Variants in MAN2C1 observed in about 807,000 individuals in gnomAD.
MAN2C1 encodes the protein alpha-mannosidase 2C1.
MAN2C1 carries 111 observed loss-of-function variants against 126.9 expected under a neutral mutation model. The ratio of observed to expected loss-of-function variants is 0.87; its 90% CI spans 0.75 to 1.02. The LOEUF (loss-of-function observed/expected upper bound fraction) is 1.02, where lower values mean the gene tolerates loss of function less well. MAN2C1 is among the 50% of genes least tolerant of loss of function. The pLI, the probability that MAN2C1 is intolerant of heterozygous loss-of-function variation, is 0.00. For missense variants in MAN2C1, 1,363 were observed against 1,364.4 expected (o/e 1.00, Z 0.02); for synonymous variants, 567 against 561.5 (o/e 1.01, Z -0.14).
At chr15:75,357,447 A>G (rs1179690350) in intron 21 of MAN2C1, 2 of 156,152 alleles carry the variant, frequency 1.3e-5, no homozygotes, top group African/African-American at 4.8e-5. Flanking sequence ...CTGGGATAAC[A>G]GGACATGTGC....
At chr15:75,359,458 TCCTGA>T (rs1567276082) in intron 16 of MAN2C1, 33 bp from the exon 17 acceptor site, 14 of 1,597,086 alleles carry the variant, frequency 8.8e-6, no homozygotes, top group Non-Finnish European at 1.1e-5. Context: ...AGTGCAGCCT[TCCTGA>T]CCTTTCAGGA....
In MAN2C1 at chr15:75,361,951, G is replaced by C; in HGVS notation, c.1009-4C>G. 6.2e-7 allele frequency: 1 copy of C among 1,612,506 alleles called. No homozygotes were observed. On this transcript the variant is annotated splice_region_variant and splice_polypyrimidine_tract_variant and intron_variant, in intron 8 of 25. Transcript: ENST00000267978. This position sits in a 1 kb window ranked among gnomAD's most constrained non-coding sequence, Gnocchi z 5.0. The stretch of plus-strand genomic sequence containing the variant: ...CTCCACTGGGCAGGTTCCCATCCTG[G>C]CAGTGAAGGAAGTGGGAGGCAGCCC...
At chr15:75,366,431 G>T in intron 4 of MAN2C1, 91 bp downstream of exon 4, 1 of 1,029,280 alleles carries the variant, frequency 9.7e-7, no homozygotes, top group Non-Finnish European at 1.5e-6. Flanking sequence ...AGCAGAGGCG[G>T]GCTTATGAGA....
chr15:75,364,579 ATCT>A lies in MAN2C1; in HGVS notation c.506_508del (p.Lys169del). 5 of 1,613,352 alleles carry A rather than the reference ATCT, an allele frequency of 3.1e-6. No individual in the cohort carries two copies. The South Asian group carries it at 3.3e-5, about 11-fold the overall frequency. Reference sequence around the variant, plus strand: ...TAGCTCAGCCCGGCTCAGCTGGAACATCTTCTCAGGGTCAGGGGCTGCAATCAT... The same window carrying A: ...TAGCTCAGCCCGGCTCAGCTGGAACATCTCAGGGTCAGGGGCTGCAATCAT... On this transcript the variant is annotated inframe_deletion, in exon 5 of 26. Coordinates refer to ENST00000267978, the MANE Select transcript of MAN2C1 (RefSeq NM_006715.4).
chr15:75,361,013 T>C lies in MAN2C1; in HGVS notation c.1460+33A>G, dbSNP rs2072456374. ...CAGGGCTCATGGCAAGGGCCCAGGG[T>C]GGGGCTAAAGGAGAGCCAAGGCCTG... On this transcript the variant is annotated intron_variant, in intron 12 of 25. Transcript: ENST00000267978. This position sits in a 1 kb window ranked among gnomAD's most constrained non-coding sequence, Gnocchi z 5.0. 1 of 1,590,752 alleles carries C rather than the reference T, an allele frequency of 6.3e-7. No homozygotes were observed. Among genetic ancestry groups the C allele is most frequent in the Non-Finnish European group, 8.6e-7 (1 of 1,169,064 alleles).
At chr15:75,357,188 G>T (rs2072341728) in intron 21 of MAN2C1, 1 of 365,068 alleles carries the variant, frequency 2.7e-6, no homozygotes. Context: ...CTGTCACCCA[G>T]GCTGGAGTGC....
chr15:75,359,268 C>G (rs1186776244), intron 17 of MAN2C1, 60 bp downstream of exon 17: 26 of 1,585,346 alleles, frequency 1.6e-5, no homozygotes, highest in Admixed American at 3.5e-5. Context: ...AGCTCAGGAC[C>G]CTCAGTTGTA....
rs1187603984 is a variant in MAN2C1 at position 75,358,437 on chromosome 15, C to T, written c.2403+25G>A. The T allele has an allele frequency of 6.8e-6, 11 of 1,612,994 alleles. No homozygotes were observed. The Admixed American group carries it at 1.5e-4, about 22-fold the overall frequency. ...CCTTACCAAGCACACTTGGGGAAAA[C>T]AGCCACCCCCTACCCCCCGACTACC... On this transcript the variant is annotated intron_variant, in intron 20 of 25. Coordinates refer to ENST00000267978, the MANE Select transcript of MAN2C1 (RefSeq NM_006715.4).
At position 75,361,794 on chromosome 15, in the gene MAN2C1, C is replaced by T; in HGVS notation, c.1101+61G>A. On this transcript the variant is annotated intron_variant, in intron 9 of 25. Transcript: ENST00000267978. This position sits in a 1 kb window ranked among gnomAD's most constrained non-coding sequence, Gnocchi z 5.0. Reference sequence around the variant, plus strand: ...ACTCACCCCAGCCTCAGCCCCTCAGCACTCCAAGTCGAGCGCCAGCCCCAC... The same window carrying T: ...ACTCACCCCAGCCTCAGCCCCTCAGTACTCCAAGTCGAGCGCCAGCCCCAC... The T allele has an allele frequency of 1.9e-6, 3 of 1,593,838 alleles. No individual in the cohort carries two copies. The South Asian group carries it at 3.3e-5, about 18-fold the overall frequency.
At chr15:75,358,158 C>A (rs767755810) in intron 21 of MAN2C1, 43 bp downstream of exon 21, 1 of 1,610,406 alleles carries the variant, frequency 6.2e-7, no homozygotes, top group South Asian at 1.1e-5. Flanking sequence ...GTCTCCCCAG[C>A]CAGGGAGGAG....
At chr15:75,365,368 T>C (rs1220310065) in intron 4 of MAN2C1, among the ~76,000 whole-genome samples, 1 of 152,148 alleles carries the variant, frequency 6.6e-6, no homozygotes, top group Non-Finnish European at 1.5e-5. Flanking sequence ...AATGGTGTCA[T>C]AAAATGTCCA....
At chr15:75,364,427 G>A in intron 5 of MAN2C1, 61 bp downstream of exon 5, 1 of 1,466,768 alleles carries the variant, frequency 6.8e-7, no homozygotes, top group South Asian at 1.4e-5. Flanking sequence ...CTGACCCAAA[G>A]AACAACCTTC....
intron 4 of MAN2C1, 58 bp downstream of exon 4, chr15:75,366,464 C>T (rs2072576909): frequency 2.7e-6 from 4 of 1,491,534 alleles, no homozygotes; most frequent in Non-Finnish European, 3.7e-6. Context: ...TCAGCTCCTC[C>T]TTGCTCACTG....
Position 75,361,378 on chromosome 15 carries a change from G to T in MAN2C1, c.1222C>A (p.His408Asn). 1 of 1,561,698 alleles carries T rather than the reference G, an allele frequency of 6.4e-7. No homozygotes were observed. Among genetic ancestry groups the T allele is most frequent in the Non-Finnish European group, 8.7e-7 (1 of 1,151,516 alleles). The change falls in exon 11 of 26, where the codon CAT (histidine) becomes AAT (asparagine). Residue 408 changes from histidine to asparagine, a missense_variant. Coordinates refer to ENST00000267978, the MANE Select transcript of MAN2C1 (RefSeq NM_006715.4). The surrounding 1 kb of genome is among the most constrained non-coding windows in gnomAD (Gnocchi z 5.0). The stretch of plus-strand genomic sequence containing the variant: ...TCCAGGCCCTCCCAGAAAAATGTAT[G>T]GTGCTACCAGCAGGGAAACAGAAGC... Reference protein sequence around the residue: ...SWNLVNSFPHHTFFWEGLDGS... With the variant: ...SWNLVNSFPHNTFFWEGLDGS...
In MAN2C1 at chr15:75,364,642, G is replaced by C. The variant is rs371047656; in HGVS notation, c.446C>G (p.Ala149Gly). Residue 149 changes from alanine (A) to glycine (G), a missense_variant, in exon 5 of 26, where the codon GCC becomes GGC. Ala to Gly is a moderately conservative substitution (Grantham distance 60). Transcript: ENST00000267978. ...CCCGGCCCCCAGGAGCCCATTGCAG[G>C]CTACTTCCACATAGAGAGTGAGGCT... ...PRSLTLYVEVACNGLLGAGKG... is the reference protein window; with the variant it reads ...PRSLTLYVEVGCNGLLGAGKG... 33 of 1,612,728 alleles carry C rather than the reference G, an allele frequency of 2.0e-5. No individual in the cohort carries two copies. The highest frequency in any genetic ancestry group is 2.6e-5 in the Non-Finnish European group (31 of 1,179,276).
Position 75,356,082 on chromosome 15 carries a change from C to T in MAN2C1, c.2996+28G>A, listed in dbSNP as rs767979691. 2.5e-6 allele frequency: 4 copies of T among 1,613,540 alleles called. No homozygotes were observed. The South Asian group carries it at 4.4e-5, about 18-fold the overall frequency. On this transcript the variant is annotated intron_variant, in intron 25 of 25. Transcript: ENST00000267978. This position sits in a 1 kb window ranked among gnomAD's most constrained non-coding sequence, Gnocchi z 5.8. ...GGCTCTGCGAGGGCGAGACTCGACC[C>T]CCGCCCCAATCCCACACCGCCACTC...
In MAN2C1 at chr15:75,362,276, G is replaced by A. The variant is rs1457233647; in HGVS notation, c.1008+67C>T. On this transcript the variant is annotated intron_variant, in intron 8 of 25. Coordinates refer to ENST00000267978, the MANE Select transcript of MAN2C1 (RefSeq NM_006715.4). This position sits in a 1 kb window ranked among gnomAD's most constrained non-coding sequence, Gnocchi z 4.5. The stretch of plus-strand genomic sequence containing the variant: ...GGAAACTCACCAGCAAAGCCGGGAG[G>A]GCGGGGCTACCTGAGGGAAGGCTGT... 2 of 1,417,872 alleles carry A rather than the reference G, an allele frequency of 1.4e-6. No individual in the cohort carries two copies. The highest frequency in any genetic ancestry group is 2.3e-5 in the East Asian group (1 of 42,642). The allele number at this position is 1,417,872 out of a possible 1,614,324, so 87.8% of individuals were successfully genotyped here.
chr15:75,362,517 T>A lies in MAN2C1; in HGVS notation c.898-64A>T, dbSNP rs1444587778. On this transcript the variant is annotated intron_variant, in intron 7 of 25. Coordinates refer to ENST00000267978, the MANE Select transcript of MAN2C1 (RefSeq NM_006715.4). This position sits in a 1 kb window ranked among gnomAD's most constrained non-coding sequence, Gnocchi z 4.5. ...AGGGCCCCACCCAGGACTGAGCATA[T>A]GGGACTCAGTGTGTGGCTGAGGGTG... is the stretch of plus-strand genomic sequence containing the variant. 1.1e-5 allele frequency: 17 copies of A among 1,514,096 alleles called. No individual in the cohort carries two copies. The highest frequency in any genetic ancestry group is 1.7e-4 in the Middle Eastern group (1 of 5,728). The allele number at this position is 1,514,096 out of a possible 1,614,324, so 93.8% of individuals were successfully genotyped here.
chr15:75,366,416 G>T, intron 4 of MAN2C1, 106 bp downstream of exon 4: 1 of 862,516 alleles, frequency 1.2e-6, no homozygotes, highest in Non-Finnish European at 1.9e-6. Flanking sequence ...GGATGATTGT[G>T]CTAGAGCAGA....
Sources: allele counts gnomAD v4.1 joint callset (sites outside exome capture counted in the v4.1 genomes callset), GRCh38; gene constraint gnomAD v4.1.1; non-coding constraint Gnocchi (gnomAD v3.1); transcripts MANE v1.5; gene names NCBI Gene and HGNC (gene_info 2026-07-23, HGNC 2026-07-21).